The following SERPINB9 variants were observed in gnomAD, a reference collection of about 807,000 sequenced individuals.
SERPINB9 encodes serpin B9.
A neutral mutation model predicts 27.2 loss-of-function variants in SERPINB9; 20 were observed. The ratio of observed to expected loss-of-function variants is 0.74; its 90% CI spans 0.52 to 1.07. SERPINB9 has a LOEUF of 1.07. Ranked by LOEUF, SERPINB9 falls within the 50% of genes least tolerant of loss-of-function variation. The probability of loss-of-function intolerance (pLI) is 0.00; values close to 1 mark genes in which losing one functional copy is unlikely to be tolerated. For synonymous variants in SERPINB9, 189 were observed against 180.0 expected, an observed-to-expected ratio of 1.05 and a Z score of -0.40; for missense variants, 476 against 460.1, an observed-to-expected ratio of 1.03 and a Z score of -0.32.
chr6:2,890,588 G>C lies in SERPINB9; in HGVS notation c.724-18C>G, dbSNP rs895818196. On this transcript the variant is annotated intron_variant, in intron 6 of 6. Transcript: ENST00000380698. The surrounding 1 kb of genome is among the most constrained non-coding windows in gnomAD (Gnocchi z 6.2). ...TTTTCCACCTGAAAGACCAGAATTA[G>C]ACTTTAAGATTCCGACTTCAGTGCA... 18 of 1,595,892 alleles carry C rather than the reference G, an allele frequency of 1.1e-5. No individual in the cohort carries two copies. In the East Asian group the frequency reaches 3.1e-4, roughly 28 times the overall value.
rs754543542 is a variant in SERPINB9 at position 2,900,615 on chromosome 6, G to A, written c.-4C>T. On this transcript the variant is annotated 5_prime_UTR_variant, in exon 2 of 7. Transcript: ENST00000380698. ...TTGCATTAGAAAGAGTTTCCATGATGCAGGGCCTGGAAGGGAAGAATAAAG... is the reference window on the plus strand; with the variant it reads ...TTGCATTAGAAAGAGTTTCCATGATACAGGGCCTGGAAGGGAAGAATAAAG... 2 of 1,613,716 alleles carry A rather than the reference G, an allele frequency of 1.2e-6. No homozygotes were observed. Among genetic ancestry groups the A allele is most frequent in the Admixed American group, 1.7e-5 (1 of 60,002 alleles).
In SERPINB9 at chr6:2,890,316, G is replaced by A; in HGVS notation, c.978C>T (p.Gly326=). 2 of 1,614,188 alleles carry A rather than the reference G, an allele frequency of 1.2e-6. No individual in the cohort carries two copies. Among genetic ancestry groups the A allele is most frequent in the Non-Finnish European group, 1.7e-6 (2 of 1,180,030 alleles). Residue 326 remains glycine, a synonymous_variant, in exon 7 of 7, where the codon GGC becomes GGT. Transcript: ENST00000380698. The surrounding 1 kb of genome is among the most constrained non-coding windows in gnomAD (Gnocchi z 6.2). The stretch of plus-strand genomic sequence containing the variant: ...AGCTCGACGCTGCCGCTGCCTCGGT[G>A]CCTTCTTCATTCACCTCCACAAAAC... The part of the protein sequence containing the change: ...HKSFVEVNEE[G]TEAAAASSCF...
Position 2,888,182 on chromosome 6 carries a change from A to G in SERPINB9, c.*1981T>C, listed in dbSNP as rs772012656. 3 of 152,244 alleles carry G rather than the reference A, an allele frequency of 2.0e-5. No individual in the cohort carries two copies. The highest frequency in any genetic ancestry group is 4.4e-5 in the Non-Finnish European group (3 of 68,044). 9.4% of individuals were successfully genotyped at this position (152,244 alleles called of 1,614,324 possible). A position where few individuals can be genotyped will look rare whatever the true frequency, so the allele number is the denominator to read the frequency against. On this transcript the variant is annotated 3_prime_UTR_variant, in exon 7 of 7. Transcript: ENST00000380698. ...TTTTAAAAAAAGGAAAAGGAAAATA[A>G]TAAGTGTTGGTGAGGAAGTGGACAG...
chr6:2,891,853 C>G lies in SERPINB9; in HGVS notation c.703G>C (p.Asp235His), dbSNP rs749143612. The change falls in exon 6 of 7, where the codon GAC becomes CAC. Residue 235 changes from aspartate to histidine, a missense_variant. Physicochemically the swap from Asp to His is moderately conservative, Grantham distance 81. Coordinates refer to ENST00000380698, the MANE Select transcript of SERPINB9 (RefSeq NM_004155.6). This position sits in a 1 kb window ranked among gnomAD's most constrained non-coding sequence, Gnocchi z 4.0. ...ELSLLVLLPD[D>H]GVELSTVEKS... ...CTTACCGTGCTGAGCTCCACGCCGT[C>G]GTCAGGCAGCAGCACCAGCAGGCTC... The G allele has an allele frequency of 1.9e-6, 3 of 1,607,984 alleles. No individual in the cohort carries two copies. Among genetic ancestry groups the G allele is most frequent in the Admixed American group, 1.7e-5 (1 of 59,500 alleles).
Position 2,900,497 on chromosome 6 carries a change from G to C in SERPINB9, c.115C>G (p.Leu39Val), listed in dbSNP as rs1768160265. ...FCSPVSISSA[L>V]AMVLLGAKGN... ...TTTGCCCCTAGGAGAACCATGGCCA[G>C]GGCAGAGGAGATGCTCACAGGAGAA... Residue 39 changes from leucine (L) to valine (V), a missense_variant, in exon 2 of 7, where the codon CTG becomes GTG. Transcript: ENST00000380698. 1.2e-6 allele frequency: 2 copies of C among 1,614,054 alleles called. No homozygotes were observed. Among genetic ancestry groups the C allele is most frequent in the African/African-American group, 2.7e-5 (2 of 74,906 alleles).
rs1357963033 is a variant in SERPINB9, at chr6:2,888,997, G to A, written c.*1166C>T. On this transcript the variant is annotated 3_prime_UTR_variant, in exon 7 of 7. Transcript: ENST00000380698. The stretch of plus-strand genomic sequence containing the variant: ...AGAGTCCCAACCTTTGGTTGTTGGA[G>A]GACTATCTAAGGATACAGAGATTAA... The A allele has an allele frequency of 6.6e-6, 1 of 152,100 alleles. No individual in the cohort carries two copies. Among genetic ancestry groups the A allele is most frequent in the African/African-American group, 2.4e-5 (1 of 41,402 alleles). 9.4% of individuals were successfully genotyped at this position (152,100 alleles called of 1,614,324 possible). A position where few individuals can be genotyped will look rare whatever the true frequency, so the allele number is the denominator to read the frequency against.
chr6:2,895,249 A>G (rs1209022168), intron 4 of SERPINB9, 142 bp downstream of exon 4: 7 of 613,708 alleles, frequency 1.1e-5, no homozygotes, highest in Admixed American at 3.0e-5. Context: ...CGGAGTGGAG[A>G]GGTGGAGGTG....
Position 2,891,825 on chromosome 6 carries a change from G to A in SERPINB9, c.723+8C>T. The A allele has an allele frequency of 1.3e-6, 2 of 1,587,400 alleles. No homozygotes were observed. Among genetic ancestry groups the A allele is most frequent in the Non-Finnish European group, 8.5e-7 (1 of 1,171,392 alleles). ...GTCCCTGGGTTCTTCCCGCAGCCCG[G>A]GTCTTACCGTGCTGAGCTCCACGCC... On this transcript the variant is annotated splice_region_variant and intron_variant, in intron 6 of 6. Coordinates refer to ENST00000380698, the MANE Select transcript of SERPINB9 (RefSeq NM_004155.6). The surrounding 1 kb of genome is among the most constrained non-coding windows in gnomAD (Gnocchi z 4.0).
chr6:2,891,834 G>T lies in SERPINB9; in HGVS notation c.722C>A (p.Thr241Lys). Residue 241 changes from threonine (T) to lysine (K), a missense_variant and splice_region_variant, in exon 6 of 7, where the codon ACG (threonine) becomes AAG (lysine). By Grantham distance (78) the Thr-to-Lys change is moderately conservative. Transcript: ENST00000380698. The surrounding 1 kb of genome is among the most constrained non-coding windows in gnomAD (Gnocchi z 4.0). ...TTCTTCCCGCAGCCCGGGTCTTACC[G>T]TGCTGAGCTCCACGCCGTCGTCAGG... ...LLPDDGVELS[T>K]VEKSLTFEKL... 1.9e-6 allele frequency: 3 copies of T among 1,600,970 alleles called. No homozygotes were observed. Among genetic ancestry groups the T allele is most frequent in the Non-Finnish European group, 2.5e-6 (3 of 1,177,320 alleles).
At chr6:2,901,219 G>C (rs558965231) in intron 1 of SERPINB9, among the ~76,000 whole-genome samples, 2 of 152,306 alleles carry the variant, frequency 1.3e-5, no homozygotes, top group East Asian at 3.9e-4. Flanking sequence ...CTCCCAGTCA[G>C]CCAGCCTGCC....
chr6:2,898,367 A>G (rs370898557), intron 2 of SERPINB9, among the ~76,000 whole-genome samples: 49 of 152,370 alleles, frequency 3.2e-4, no homozygotes, highest in African/African-American at 1.1e-3. Flanking sequence ...GACCAATTTC[A>G]CCTGAGGCTG....
chr6:2,895,303 G>C, intron 4 of SERPINB9, 88 bp downstream of exon 4: 1 of 789,220 alleles, frequency 1.3e-6, no homozygotes. Flanking sequence ...GAGGAGGAGA[G>C]AGGATATAAG....
chr6:2,890,176 A>T lies in SERPINB9; in HGVS notation c.1118T>A (p.Phe373Tyr). ...RANSILFCGRFSSP is the reference protein window; with the variant it reads ...RANSILFCGRYSSP ...TAAGTGCACCCTTTATGGCGATGAGAACCTGCCACAGAACAGAATGCTGTT... is the reference window on the plus strand; with the variant it reads ...TAAGTGCACCCTTTATGGCGATGAGTACCTGCCACAGAACAGAATGCTGTT... Residue 373 changes from phenylalanine to tyrosine, a missense_variant, in exon 7 of 7, where the codon TTC (phenylalanine) becomes TAC (tyrosine). Phe to Tyr is a conservative substitution (Grantham distance 22). Transcript: ENST00000380698. The surrounding 1 kb of genome is among the most constrained non-coding windows in gnomAD (Gnocchi z 6.2). 6.2e-7 allele frequency: 1 copy of T among 1,613,404 alleles called. No homozygotes were observed. The highest frequency in any genetic ancestry group is 8.5e-7 in the Non-Finnish European group (1 of 1,179,492).
At chr6:2,902,899 A>G (rs1362423221) in intron 1 of SERPINB9, among the ~76,000 whole-genome samples, 4 of 152,214 alleles carry the variant, frequency 2.6e-5, no homozygotes, top group Non-Finnish European at 5.9e-5. Context: ...AGCAGTGAGA[A>G]CACAGGGCCG....
At chr6:2,902,524 C>CT (rs1247849446) in intron 1 of SERPINB9, among the ~76,000 whole-genome samples, 11 of 151,874 alleles carry the variant, frequency 7.2e-5, no homozygotes, top group South Asian at 2.1e-4. Context: ...TTGTGTTTTT[C>CT]TTTTTTTTGT....
rs35916133 is a variant in SERPINB9, at chr6:2,887,846, C to CAAAAAAAAAAAAAAAAAAAAAAAA, written c.*2293_*2316dup. On this transcript the variant is annotated 3_prime_UTR_variant, in exon 7 of 7. Transcript: ENST00000380698. Reference sequence around the variant, plus strand: ...TGGGTGACAGAGTGAGGCACTGTCTCAAAAAAAAAAAAAAAAAAAAAAAAG... The same window carrying CAAAAAAAAAAAAAAAAAAAAAAAA: ...TGGGTGACAGAGTGAGGCACTGTCTCAAAAAAAAAAAAAAAAAAAAAAAAAAAAAAAAAAAAAAAAAAAAAAAAG... The CAAAAAAAAAAAAAAAAAAAAAAAA allele has an allele frequency of 1.6e-5, 1 of 62,410 alleles. No individual in the cohort carries two copies. Among genetic ancestry groups the CAAAAAAAAAAAAAAAAAAAAAAAA allele is most frequent in the Non-Finnish European group, 3.0e-5 (1 of 33,432 alleles). 3.9% of individuals were successfully genotyped at this position (62,410 alleles called of 1,614,324 possible). A position where few individuals can be genotyped will look rare whatever the true frequency, so the allele number is the denominator to read the frequency against.
In SERPINB9 at chr6:2,900,513, C is replaced by T; in HGVS notation, c.99G>A (p.Val33=). Residue 33 remains valine (V), a synonymous_variant, in exon 2 of 7, where the codon GTG becomes GTA. Coordinates refer to ENST00000380698, the MANE Select transcript of SERPINB9 (RefSeq NM_004155.6). The stretch of plus-strand genomic sequence containing the variant: ...CCATGGCCAGGGCAGAGGAGATGCT[C>T]ACAGGAGAACAGAACACGTTGTGCG... ...NPSHNVFCSP[V]SISSALAMVL... 6.2e-7 allele frequency: 1 copy of T among 1,614,122 alleles called. No homozygotes were observed. The highest frequency in any genetic ancestry group is 8.5e-7 in the Non-Finnish European group (1 of 1,180,046).
intron 3 of SERPINB9, 73 bp downstream of exon 3, chr6:2,895,980 G>T: frequency 2.1e-6 from 3 of 1,448,486 alleles, no homozygotes; most frequent in East Asian, 2.4e-5. Flanking sequence ...AATTTCTCTA[G>T]GGTCTTTCTC....
intron 3 of SERPINB9, 116 bp downstream of exon 3, chr6:2,895,937 C>T: frequency 8.6e-7 from 1 of 1,166,590 alleles, no homozygotes; most frequent in Non-Finnish European, 1.2e-6. Flanking sequence ...AAAAATAGTG[C>T]AATTTTTTTA....
Sources: gnomAD v4.1 joint callset for allele counts (sites outside exome capture counted in the v4.1 genomes callset) on GRCh38, gnomAD v4.1.1 for gene constraint, Gnocchi (gnomAD v3.1) non-coding constraint, MANE v1.5 for transcripts, NCBI Gene and HGNC (gene_info 2026-07-23, HGNC 2026-07-21) for gene names.